Variants in ABHD12B observed in about 807,000 individuals in gnomAD.
ABHD12B encodes the protein abhydrolase domain containing 12B.
A neutral mutation model predicts 50.4 loss-of-function variants in ABHD12B; 42 were observed. The ratio of observed to expected loss-of-function variants is 0.83; its 90% confidence interval spans 0.65 to 1.08. ABHD12B has a LOEUF of 1.08. Ranked by LOEUF, ABHD12B falls within the 50% of genes least tolerant of loss-of-function variation. The pLI is 0.00. For synonymous variants in ABHD12B, 167 were observed against 160.3 expected, an observed-to-expected ratio of 1.04 and a Z score of -0.32; for missense variants, 479 against 447.7, an observed-to-expected ratio of 1.07 and a Z score of -0.63.
At chr14:50,885,560 C>T in intron 5 of ABHD12B, 54 bp from the exon 6 acceptor site, 5 of 1,603,878 alleles carry the variant, frequency 3.1e-6, no homozygotes, top group East Asian at 2.2e-5. Context: ...GGAGGAGAAG[C>T]CTTTTCTGTT....
At chr14:50,872,512 T>A (rs1042666070) in intron 1 of ABHD12B, among the ~76,000 whole-genome samples, 3 of 152,204 alleles carry the variant, frequency 2.0e-5, no homozygotes, top group Admixed American at 2.0e-4. Flanking sequence ...ACTCTCAGGT[T>A]TGGTATTTCA....
At chr14:50,883,677 G>T (rs991174945) in intron 5 of ABHD12B, among the ~76,000 whole-genome samples, 2 of 152,230 alleles carry the variant, frequency 1.3e-5, no homozygotes, top group Non-Finnish European at 2.9e-5. Flanking sequence ...TGGTAGTTAG[G>T]ACGGGTGGGG....
chr14:50,892,689 G>A (rs569010535), intron 9 of ABHD12B: 12 of 752,040 alleles, frequency 1.6e-5, no homozygotes, highest in Non-Finnish European at 1.8e-5. Flanking sequence ...ATGTTCTTTG[G>A]ATTTAAGTTG....
Position 50,886,987 on chromosome 14 carries a change from G to A in ABHD12B, c.700+303G>A, listed in dbSNP as rs186718041. Among the ~76,000 whole-genome samples, 184 of 151,990 alleles carry A rather than the reference G, an allele frequency of 1.2e-3. 2 individuals carry two copies. The East Asian group carries it at 0.032, about 26-fold the overall frequency. ...TCCCAGCACTTTGGGAGGCTGAGGT[G>A]GGTGGATCACGAGGTCAGGAGTTCG... On this transcript the variant is annotated intron_variant, in intron 8 of 12. Coordinates refer to ENST00000337334, the MANE Select transcript of ABHD12B (RefSeq NM_001206673.2).
chr14:50,873,223 T>TC (rs147864170), intron 1 of ABHD12B, among the ~76,000 whole-genome samples: 33 of 140,512 alleles, frequency 2.3e-4, no homozygotes, highest in South Asian at 1.1e-3. Flanking sequence ...TCTCTCTCTC[T>TC]TTTTTTTTTC....
rs1162993841 is a variant in ABHD12B, at chr14:50,904,558, C to T, written c.*192C>T. 1 of 691,478 alleles carries T rather than the reference C, an allele frequency of 1.4e-6. No homozygotes were observed. Among genetic ancestry groups the T allele is most frequent in the Admixed American group, 2.8e-5 (1 of 36,312 alleles). The allele number at this position is 691,478 out of a possible 1,614,324, so 42.8% of individuals were successfully genotyped here. A position where few individuals can be genotyped will look rare whatever the true frequency, so the allele number is the denominator to read the frequency against. The stretch of plus-strand genomic sequence containing the variant: ...TATGGAATGTTCTTATTTAGCTTAT[C>T]ATAATCTACTTTGTAAAACATGCTG... On this transcript the variant is annotated 3_prime_UTR_variant, in exon 13 of 13. Coordinates refer to ENST00000337334, the MANE Select transcript of ABHD12B (RefSeq NM_001206673.2).
intron 1 of ABHD12B, among the ~76,000 whole-genome samples, chr14:50,874,599 C>CAA (rs60172918): frequency 0.042 from 5,996 of 142,748 alleles, 149 homozygotes; most frequent in African/African-American, 0.052. Context: ...GACTCCGTCT[C>CAA]AAAAAAAAAT....
At chr14:50,879,971 G>T (rs2049916419) in intron 3 of ABHD12B, among the ~76,000 whole-genome samples, 1 of 152,228 alleles carries the variant, frequency 6.6e-6, no homozygotes, top group Admixed American at 6.5e-5. Context: ...AACTCACACA[G>T]ATGTTTAAAA....
chr14:50,885,880 A>G lies in ABHD12B; in HGVS notation c.647A>G (p.His216Arg). 1 of 1,613,926 alleles carries G rather than the reference A, an allele frequency of 6.2e-7. No homozygotes were observed. Among genetic ancestry groups the G allele is most frequent in the Non-Finnish European group, 8.5e-7 (1 of 1,179,960 alleles). ...ATCACTCCCGTGTGTCTCTGGGGCC[A>G]CTCTCTGGGTACAGGGTAAGTGAGA... is the stretch of plus-strand genomic sequence containing the variant. ...SGITPVCLWG[H>R]SLGTGVATNA... Residue 216 changes from histidine to arginine, a missense_variant, in exon 7 of 13, where the codon CAC becomes CGC. Coordinates refer to ENST00000337334, the MANE Select transcript of ABHD12B (RefSeq NM_001206673.2).
Position 50,888,877 on chromosome 14 carries a change from G to C in ABHD12B, c.754G>C (p.Ala252Pro). Reference protein sequence around the residue: ...LEAPFTNMWVASINYPLLKIY... With the variant: ...LEAPFTNMWVPSINYPLLKIY... ...AGCTCCATTTACCAACATGTGGGTT[G>C]CAAGTATCAATTATCCCTTGTTAAA... The change falls in exon 9 of 13, where the codon GCA becomes CCA. Residue 252 changes from alanine (A) to proline (P), a missense_variant. Ala to Pro is a conservative substitution (Grantham distance 27). Coordinates refer to ENST00000337334, the MANE Select transcript of ABHD12B (RefSeq NM_001206673.2). 1 of 1,613,996 alleles carries C rather than the reference G, an allele frequency of 6.2e-7. No homozygotes were observed. Among genetic ancestry groups the C allele is most frequent in the Non-Finnish European group, 8.5e-7 (1 of 1,179,966 alleles).
chr14:50,885,813 G>C lies in ABHD12B; in HGVS notation c.580G>C (p.Asp194His). ...GCCCACAGAGGAGGGACTGACTACG[G>C]ATGCCATTTGTGTCTATGAGTGGAC... ...GKPTEEGLTT[D>H]AICVYEWTKA... The change falls in exon 7 of 13, where the codon GAT (aspartate) becomes CAT (histidine). Residue 194 changes from aspartate to histidine, a missense_variant. Physicochemically the swap from Asp to His is moderately conservative, Grantham distance 81 (BLOSUM62 -1). Transcript: ENST00000337334. 2 of 1,614,174 alleles carry C rather than the reference G, an allele frequency of 1.2e-6. No homozygotes were observed. Among genetic ancestry groups the C allele is most frequent in the Non-Finnish European group, 1.7e-6 (2 of 1,180,032 alleles).
rs1021858587 is a variant in ABHD12B, at chr14:50,878,159, G to A, written c.232+80G>A. On this transcript the variant is annotated intron_variant, in intron 2 of 12. Transcript: ENST00000337334. ...TCAGTACCCTTAAAGTTGTGACGTA[G>A]TGAAAAGACATGTCAGCTGTAAAAT... The A allele has an allele frequency of 6.6e-6, 8 of 1,217,666 alleles. No individual in the cohort carries two copies. In the Admixed American group the frequency reaches 2.4e-4, roughly 36 times the overall value. 75.4% of individuals were successfully genotyped at this position (1,217,666 alleles called of 1,614,324 possible). A position where few individuals can be genotyped will look rare whatever the true frequency, so the allele number is the denominator to read the frequency against.
chr14:50,902,420 G>A (rs1362311124), intron 10 of ABHD12B, among the ~76,000 whole-genome samples: 3 of 152,178 alleles, frequency 2.0e-5, no homozygotes, highest in African/African-American at 4.8e-5. Context: ...GGAGGTTGAG[G>A]TTGCAGTCAA....
At chr14:50,892,695 A>T in intron 9 of ABHD12B, 1 of 732,272 alleles carries the variant, frequency 1.4e-6, no homozygotes, top group Non-Finnish European at 1.7e-6. Context: ...TTTGGATTTA[A>T]GTTGTTATTT....
intron 8 of ABHD12B, among the ~76,000 whole-genome samples, chr14:50,888,285 C>A (rs2050069332): frequency 6.6e-6 from 1 of 150,536 alleles, no homozygotes; most frequent in African/African-American, 2.4e-5. Context: ...CTCACTGCAA[C>A]CTCTGCCTCC....
chr14:50,879,945 A>G (rs1476918815), intron 3 of ABHD12B, among the ~76,000 whole-genome samples: 1 of 152,240 alleles, frequency 6.6e-6, no homozygotes. Context: ...CTGGTTTAAC[A>G]AAGTGGAGAA....
In ABHD12B at chr14:50,880,482, T is replaced by C. The variant is rs1025891747; in HGVS notation, c.366T>C (p.Asp122=). Residue 122 remains aspartate (D), a synonymous_variant, in exon 4 of 13, where the codon GAT becomes GAC. Transcript: ENST00000337334. ...WHTVPSCRGE[D]AKGKDCCWYE... ...CAGTCCCCAGCTGCCGGGGGGAAGA[T>C]GCCAAGGGGAAGGACTGTTGCTGGT... 3 of 1,611,072 alleles carry C rather than the reference T, an allele frequency of 1.9e-6. No homozygotes were observed. The highest frequency in any genetic ancestry group is 1.3e-5 in the African/African-American group (1 of 74,854).
intron 5 of ABHD12B, among the ~76,000 whole-genome samples, chr14:50,882,010 A>T (rs2049958686): frequency 6.6e-6 from 1 of 151,318 alleles, no homozygotes; most frequent in African/African-American, 2.4e-5. Flanking sequence ...ATCTCCACTT[A>T]CTGCAACCTT....
At chr14:50,889,864 CTTTAGGAA>C (rs1184994075) in intron 9 of ABHD12B, among the ~76,000 whole-genome samples, 1 of 152,090 alleles carries the variant, frequency 6.6e-6, no homozygotes, top group Non-Finnish European at 1.5e-5. Flanking sequence ...ACTCTAACAA[CTTTAGGAA>C]TTTTTTTGTA....
Sources: gnomAD v4.1 joint callset for allele counts (sites outside exome capture counted in the v4.1 genomes callset) on GRCh38, gnomAD v4.1.1 for gene constraint, MANE v1.5 for transcripts, NCBI Gene and HGNC (gene_info 2026-07-23, HGNC 2026-07-21) for gene names.